Variants in SOX5 observed in about 807,000 individuals in gnomAD.
SOX5 encodes SRY-box transcription factor 5.
Under a neutral mutation model 92.0 loss-of-function variants are expected in SOX5, and 9 were observed. The observed-to-expected ratio is 0.10, with a 90% CI of 0.06 to 0.17. The LOEUF is 0.17. Among genes scored for constraint, SOX5 ranks in the 10% least tolerant of loss-of-function variants. The pLI is 1.00. For synonymous variants in SOX5, 344 were observed against 336.3 expected (o/e 1.02, Z -0.25); for missense variants, 642 against 944.5 (o/e 0.68, Z 4.20).
rs577434590 is a variant in SOX5, at chr12:24,035,199, C to T, written c.-1-139175G>A. Among the ~76,000 whole-genome samples, 3 of 152,218 alleles carry T rather than the reference C, an allele frequency of 2.0e-5. No individual in the cohort carries two copies. The East Asian group carries it at 5.8e-4, about 29-fold the overall frequency. Reference sequence around the variant, plus strand: ...AACTTGATATAGTTATTTTTGACAACTTGTATTTATGCCTTACGATTTTAA... The same window carrying T: ...AACTTGATATAGTTATTTTTGACAATTTGTATTTATGCCTTACGATTTTAA... On this transcript the variant is annotated intron_variant, in intron 4 of 4. Transcript: ENST00000446891.
chr12:23,584,566 G>T, intron 9 of SOX5: 1 of 1,610,814 alleles, frequency 6.2e-7, no homozygotes, highest in Middle Eastern at 1.7e-4. Flanking sequence ...CAGCTCCTAT[G>T]GCACAAATCT....
chr12:24,144,727 G>A (rs1950903744), intron 4 of SOX5, among the ~76,000 whole-genome samples: 1 of 152,092 alleles, frequency 6.6e-6, no homozygotes, highest in South Asian at 2.1e-4. Flanking sequence ...TACTTGGGAG[G>A]CTGAGGCAGG....
chr12:24,264,090 A>G (rs1942663873), intron 3 of SOX5, among the ~76,000 whole-genome samples: 1 of 152,210 alleles, frequency 6.6e-6, no homozygotes, highest in African/African-American at 2.4e-5. Context: ...ACTTTTAAAT[A>G]ACAATACTCT....
In SOX5 at chr12:23,756,260, T is replaced by C. The variant is rs2094373397; in HGVS notation, c.482-536A>G. On this transcript the variant is annotated intron_variant, in intron 3 of 14. Transcript: ENST00000451604. ...TAAAAAAAAACAAAAAAAAAATTGG[T>C]ATAAAAGAAGCCTTAAAAAGATTGG... 4.0e-5 allele frequency among the ~76,000 whole-genome samples: 6 copies of C among 151,366 alleles called. No homozygotes were observed. In the South Asian group the frequency reaches 1.2e-3, roughly 31 times the overall value.
chr12:24,556,213 G>A (rs1953765481), intron 1 of SOX5, among the ~76,000 whole-genome samples: 1 of 152,074 alleles, frequency 6.6e-6, no homozygotes, highest in Admixed American at 6.5e-5. Context: ...ATCCCATCTT[G>A]GCAACTGCTT....
chr12:24,451,329 A>T (rs1176155972), intron 1 of SOX5, among the ~76,000 whole-genome samples: 4 of 152,174 alleles, frequency 2.6e-5, no homozygotes, highest in Non-Finnish European at 5.9e-5. Flanking sequence ...GGGATTACCC[A>T]GGTCATGTGG....
intron 1 of SOX5, among the ~76,000 whole-genome samples, chr12:24,532,516 C>A (rs185824751): frequency 4.7e-4 from 72 of 152,316 alleles, no homozygotes; most frequent in Admixed American, 8.5e-4. Context: ...CATCAGGATG[C>A]ATAATGTCAA....
intron 2 of SOX5, among the ~76,000 whole-genome samples, chr12:24,325,929 A>G (rs1354669703): frequency 1.3e-5 from 2 of 152,196 alleles, no homozygotes; most frequent in Non-Finnish European, 2.9e-5. Context: ...TATGTTAGAT[A>G]AGATGTTCGG....
intron 6 of SOX5, among the ~76,000 whole-genome samples, chr12:23,666,415 A>T (rs2139447254): frequency 6.6e-6 from 1 of 152,308 alleles, no homozygotes; most frequent in East Asian, 1.9e-4. Flanking sequence ...GTTTGAGCCG[A>T]AAAGGAATTT....
At chr12:24,309,050 C>T (rs1283270666) in intron 2 of SOX5, among the ~76,000 whole-genome samples, 1 of 152,202 alleles carries the variant, frequency 6.6e-6, no homozygotes, top group African/African-American at 2.4e-5. Context: ...TCATACATCC[C>T]TCCTCCAAAA....
intron 2 of SOX5, among the ~76,000 whole-genome samples, chr12:24,360,136 C>T (rs1331541613): frequency 6.6e-6 from 1 of 152,206 alleles, no homozygotes; most frequent in African/African-American, 2.4e-5. Context: ...TTGCCTCTTT[C>T]AGTACTCAGT....
intron 4 of SOX5, among the ~76,000 whole-genome samples, chr12:24,018,863 C>G (rs995477776): frequency 1.3e-5 from 2 of 152,150 alleles, no homozygotes; most frequent in African/African-American, 4.8e-5. Context: ...CCCTGACTCC[C>G]AGTTCAGTGT....
chr12:24,475,982 C>A (rs1460787625), intron 1 of SOX5, among the ~76,000 whole-genome samples: 1 of 135,098 alleles, frequency 7.4e-6, no homozygotes, highest in Non-Finnish European at 1.6e-5. Context: ...ACCCTGTCTC[C>A]GAAATACATT....
In SOX5 at chr12:23,563,389, G is replaced by T. The variant is rs904201285; in HGVS notation, c.1357C>A (p.His453Asn). 2 of 1,613,752 alleles carry T rather than the reference G, an allele frequency of 1.2e-6. No individual in the cohort carries two copies. The highest frequency in any genetic ancestry group is 4.5e-5 in the East Asian group (2 of 44,860). Residue 453 changes from histidine to asparagine, a missense_variant, in exon 11 of 15, where the codon CAT becomes AAT. Coordinates refer to ENST00000451604, the MANE Select transcript of SOX5 (RefSeq NM_006940.6). ...TGGATTGCCTTGGTGACAGCATCAT[G>T]GTCATTTAAGTAACCTGAACATGAG... is the stretch of plus-strand genomic sequence containing the variant. ...RVSTIGYLND[H>N]DAVTKAIQEA...
chr12:23,913,350 T>C (rs1443285148), intron 1 of SOX5, among the ~76,000 whole-genome samples: 2 of 152,142 alleles, frequency 1.3e-5, no homozygotes, highest in Non-Finnish European at 2.9e-5. Context: ...TTCTTTTCTT[T>C]TTTTAAGTTC....
Position 23,536,320 on chromosome 12 carries a change from T to C in SOX5, c.1988+133A>G. 4.3e-6 allele frequency: 3 copies of C among 703,390 alleles called. No individual in the cohort carries two copies. In the South Asian group the frequency reaches 5.4e-5, roughly 13 times the overall value. 43.6% of individuals were successfully genotyped at this position (703,390 alleles called of 1,614,324 possible). A position where few individuals can be genotyped will look rare whatever the true frequency, so the allele number is the denominator to read the frequency against. The stretch of plus-strand genomic sequence containing the variant: ...TTTTTCAAGATCATGTGGGAGACTA[T>C]TTGTCTCTGAAAATACTGTGAGCTC... On this transcript the variant is annotated intron_variant, in intron 14 of 14. Transcript: ENST00000451604.
chr12:23,748,572 T>G (rs1011012585), intron 4 of SOX5, among the ~76,000 whole-genome samples: 1 of 151,804 alleles, frequency 6.6e-6, no homozygotes, highest in Non-Finnish European at 1.5e-5. Context: ...ACAAGTAAAC[T>G]CACTTTAGAA....
intron 3 of SOX5, among the ~76,000 whole-genome samples, chr12:23,817,230 T>A (rs189228207): frequency 1.3e-5 from 2 of 152,320 alleles, no homozygotes; most frequent in East Asian, 3.9e-4. Context: ...CCGAGTAAGA[T>A]TAAGGTTAGG....
intron 6 of SOX5, among the ~76,000 whole-genome samples, chr12:23,701,987 T>C (rs1049573044): frequency 2.0e-5 from 3 of 152,206 alleles, no homozygotes; most frequent in African/African-American, 7.2e-5. Context: ...ATGAGTATTC[T>C]AGTAGCAAAA....
Sources: allele counts gnomAD v4.1 joint callset (sites outside exome capture counted in the v4.1 genomes callset), GRCh38; gene constraint gnomAD v4.1.1; transcripts MANE v1.5; gene names NCBI Gene and HGNC (gene_info 2026-07-23, HGNC 2026-07-21).